UBE2D4: variants seen among roughly 807,000 people sequenced by gnomAD.
The protein encoded by UBE2D4 is ubiquitin conjugating enzyme E2 D4.
UBE2D4 carries 17 observed loss-of-function variants against 23.0 expected under a neutral mutation model. The ratio of observed to expected loss-of-function variants is 0.74; its 90% CI spans 0.51 to 1.11. UBE2D4 has a LOEUF of 1.11. UBE2D4 is among the 50% of genes least tolerant of loss of function. UBE2D4 has a pLI of 0.00. For missense variants in UBE2D4, 139 were observed against 181.8 expected (o/e 0.76, Z 1.35); for synonymous variants, 61 against 69.4 (o/e 0.88, Z 0.60).
chr7:43,948,569 T>C, intron 4 of UBE2D4, 63 bp from the exon 5 acceptor site: 15 of 1,104,850 alleles, frequency 1.4e-5, no homozygotes, highest in Non-Finnish European at 2.0e-5. Context: ...GCTTCTGCTT[T>C]ACTTGGTTCA....
At chr7:43,942,923 A>G in intron 3 of UBE2D4, 31 bp from the exon 4 acceptor site, 1 of 1,614,066 alleles carries the variant, frequency 6.2e-7, no homozygotes, top group Non-Finnish European at 8.5e-7. Context: ...TAGCACATGC[A>G]CTGATCTCTT....
chr7:43,949,833 T>G (rs551449678), intron 5 of UBE2D4, among the ~76,000 whole-genome samples: 56 of 152,184 alleles, frequency 3.7e-4, no homozygotes, highest in African/African-American at 1.3e-3. Context: ...TGCTTTGCAG[T>G]TAGAAGGACC....
intron 6 of UBE2D4, chr7:43,951,911 T>C (rs981723043): frequency 3.4e-4 from 52 of 152,228 alleles, no homozygotes; most frequent in African/African-American, 1.2e-3. Flanking sequence ...CAGTCAAAAT[T>C]TTTAATTGAC....
intron 4 of UBE2D4, chr7:43,946,461 GTCTTT>G (rs1287852256): frequency 6.6e-6 from 1 of 152,066 alleles, no homozygotes; most frequent in Non-Finnish European, 1.5e-5. Context: ...AGTCCTACTT[GTCTTT>G]TCATTTCTCT....
intron 4 of UBE2D4, among the ~76,000 whole-genome samples, chr7:43,948,320 C>T (rs1028080274): frequency 6.6e-6 from 1 of 152,236 alleles, no homozygotes; most frequent in Non-Finnish European, 1.5e-5. Context: ...TTGCATAAAA[C>T]TTCCTGGGCT....
chr7:43,926,526 G>C lies in UBE2D4; in HGVS notation c.-7G>C. On this transcript the variant is annotated 5_prime_UTR_variant, in exon 1 of 7. Transcript: ENST00000222402. ...CGGGCCGCCCGGGTCCCCGGCAGCGGGGTAGGATGGCGCTAAAGCGGATCC... is the reference window on the plus strand; with the variant it reads ...CGGGCCGCCCGGGTCCCCGGCAGCGCGGTAGGATGGCGCTAAAGCGGATCC... The C allele has an allele frequency of 6.4e-7, 1 of 1,551,848 alleles. No individual in the cohort carries two copies. The highest frequency in any genetic ancestry group is 8.7e-7 in the Non-Finnish European group (1 of 1,152,852).
intron 1 of UBE2D4, among the ~76,000 whole-genome samples, chr7:43,931,625 G>T (rs1030648854): frequency 2.8e-5 from 4 of 141,714 alleles, no homozygotes; most frequent in East Asian, 2.4e-4. Context: ...GGGCGGGGGG[G>T]GTGGCAGAGC....
intron 1 of UBE2D4, chr7:43,927,941 GT>G (rs2095936454): frequency 4.7e-6 from 2 of 422,518 alleles, no homozygotes; most frequent in Non-Finnish European, 9.3e-6. Flanking sequence ...TCTGTTTTGT[GT>G]TGCTATAAAG....
At chr7:43,930,496 C>A (rs1442936333) in intron 1 of UBE2D4, among the ~76,000 whole-genome samples, 1 of 152,190 alleles carries the variant, frequency 6.6e-6, no homozygotes, top group Non-Finnish European at 1.5e-5. Context: ...TGCTCTGTTA[C>A]CTAGGCTGTA....
At chr7:43,932,531 G>A (rs757847481) in intron 1 of UBE2D4, among the ~76,000 whole-genome samples, 3 of 152,120 alleles carry the variant, frequency 2.0e-5, no homozygotes, top group Non-Finnish European at 4.4e-5. Flanking sequence ...GGTGGCTCAC[G>A]CCTGTAATCT....
Position 43,933,172 on chromosome 7 carries a change from A to G in UBE2D4, c.25-5259A>G, listed in dbSNP as rs188552592. On this transcript the variant is annotated intron_variant, in intron 1 of 6. Transcript: ENST00000222402. ...TATATGTGTGGGTGTATATATATAT[A>G]TATTCTACCTATTCATGTAATTGTA... is the stretch of plus-strand genomic sequence containing the variant. Among the ~76,000 whole-genome samples, 36 of 151,154 alleles carry G rather than the reference A, an allele frequency of 2.4e-4. 1 individual carries two copies. In the East Asian group the frequency reaches 5.4e-3, roughly 23 times the overall value.
rs1482344720 is a variant in UBE2D4, at chr7:43,955,642, G to A, written c.*2947G>A. On this transcript the variant is annotated 3_prime_UTR_variant, in exon 7 of 7. Coordinates refer to ENST00000222402, the MANE Select transcript of UBE2D4 (RefSeq NM_015983.4). ...GGAAAAAGCCTTAAGTGCCAGAGAA[G>A]GTGCTTCCAAGACTGTCTGCAGAAT... is the stretch of plus-strand genomic sequence containing the variant. The A allele has an allele frequency of 1.3e-5, 2 of 152,180 alleles. No homozygotes were observed. Among genetic ancestry groups the A allele is most frequent in the African/African-American group, 4.8e-5 (2 of 41,436 alleles). The allele number at this position is 152,180 out of a possible 1,614,324, so 9.4% of individuals were successfully genotyped here.
intron 4 of UBE2D4, among the ~76,000 whole-genome samples, chr7:43,945,193 A>G (rs1294921222): frequency 6.6e-6 from 1 of 152,110 alleles, no homozygotes; most frequent in African/African-American, 2.4e-5. Flanking sequence ...GGGTTTTGCC[A>G]TGTTGGGCAG....
chr7:43,929,032 C>T (rs1375670785), intron 1 of UBE2D4, among the ~76,000 whole-genome samples: 4 of 152,274 alleles, frequency 2.6e-5, no homozygotes, highest in Admixed American at 6.5e-5. Context: ...GTGGCTCATG[C>T]CTATATCCCA....
At chr7:43,951,653 C>T (rs2096002727) in intron 6 of UBE2D4, among the ~76,000 whole-genome samples, 1 of 152,122 alleles carries the variant, frequency 6.6e-6, no homozygotes, top group African/African-American at 2.4e-5. Flanking sequence ...GCCTCAGCCT[C>T]CTGAGTAGCT....
chr7:43,945,859 T>G (rs1300305626), intron 4 of UBE2D4, among the ~76,000 whole-genome samples: 1 of 144,082 alleles, frequency 6.9e-6, no homozygotes, highest in Admixed American at 7.5e-5. Context: ...CTCGGCTCAC[T>G]GCAACCTCTG....
chr7:43,939,864 G>A (rs77642514), intron 2 of UBE2D4, among the ~76,000 whole-genome samples: 14,127 of 152,106 alleles, frequency 0.093, 852 homozygotes, highest in Middle Eastern at 0.15. Flanking sequence ...GATGGGGGGT[G>A]GAAATAGGAG....
chr7:43,938,168 C>T (rs933582135), intron 1 of UBE2D4, among the ~76,000 whole-genome samples: 4 of 152,154 alleles, frequency 2.6e-5, no homozygotes, highest in Non-Finnish European at 5.9e-5. Context: ...TTGCCCTGCC[C>T]TCTTCCAGCT....
chr7:43,950,867 T>G (rs2096000887), intron 6 of UBE2D4, among the ~76,000 whole-genome samples, 175 bp downstream of exon 6: 1 of 152,174 alleles, frequency 6.6e-6, no homozygotes, highest in Non-Finnish European at 1.5e-5. Context: ...GCTCTCTCAC[T>G]AACATGTCCT....
Sources: allele counts gnomAD v4.1 joint callset (sites outside exome capture counted in the v4.1 genomes callset), GRCh38; gene constraint gnomAD v4.1.1; transcripts MANE v1.5; gene names NCBI Gene and HGNC (gene_info 2026-07-23, HGNC 2026-07-21).